The following USP37 variants were observed in gnomAD, a reference collection of about 807,000 sequenced individuals.
USP37 encodes ubiquitin specific peptidase 37.
Under a neutral mutation model 124.0 loss-of-function variants are expected in USP37, and 27 were observed. The ratio of observed to expected loss-of-function variants is 0.22; its 90% CI spans 0.16 to 0.30. USP37 has a LOEUF of 0.30. Among genes scored for constraint, USP37 ranks in the 10% least tolerant of loss-of-function variants. USP37 has a pLI of 1.00. For missense variants in USP37, 889 were observed against 1,140.4 expected (o/e 0.78, Z 3.17); for synonymous variants, 365 against 388.0 (o/e 0.94, Z 0.70).
chr2:218,480,089 T>G (rs571576987), intron 17 of USP37, among the ~76,000 whole-genome samples: 1 of 150,174 alleles, frequency 6.7e-6, no homozygotes, highest in African/African-American at 2.5e-5. Context: ...GAGGTTGTAG[T>G]AAGTGGTGAT....
intron 8 of USP37, among the ~76,000 whole-genome samples, chr2:218,536,250 T>G (rs921640335): frequency 1.3e-5 from 2 of 152,198 alleles, no homozygotes; most frequent in African/African-American, 4.8e-5. Context: ...TTCAAATAAA[T>G]GTTCATGCTT....
intron 4 of USP37, among the ~76,000 whole-genome samples, chr2:218,556,580 T>C (rs1692994847): frequency 6.8e-6 from 1 of 146,664 alleles, no homozygotes; most frequent in Admixed American, 6.9e-5. Flanking sequence ...ATGGTGAGAT[T>C]TCAGCTCACT....
At position 218,547,082 on chromosome 2, in the gene USP37, T is replaced by C. The variant is rs1559222887; in HGVS notation, c.439A>G (p.Lys147Glu). 4 of 1,594,458 alleles carry C rather than the reference T, an allele frequency of 2.5e-6. No individual in the cohort carries two copies. The highest frequency in any genetic ancestry group is 3.4e-6 in the Non-Finnish European group (4 of 1,175,406). Residue 147 changes from lysine (K) to glutamate (E), a missense_variant, in exon 7 of 26, where the codon AAA (lysine) becomes GAA (glutamate). Around this residue, in one of 3 missense-constraint regions of USP37, gnomAD observed 374 missense variants for 386.0 expected, o/e 0.97. Coordinates refer to ENST00000258399, the MANE Select transcript of USP37 (RefSeq NM_020935.3). Reference sequence around the variant, plus strand: ...TCTTTAGTTTCCAAACTTCCTCTTTTTGCAGAAGCCTGTAAAAATAAAGTT... The same window carrying C: ...TCTTTAGTTTCCAAACTTCCTCTTTCTGCAGAAGCCTGTAAAAATAAAGTT... ...LSYSDNQASA[K>E]RGSLETKDDI... is the part of the protein sequence containing the mutation.
intron 8 of USP37, among the ~76,000 whole-genome samples, chr2:218,537,731 C>T (rs950988909): frequency 2.6e-5 from 4 of 152,072 alleles, no homozygotes; most frequent in Admixed American, 6.5e-5. Context: ...AGAAGACAGG[C>T]TCAGTTGAGC....
Position 218,488,365 on chromosome 2 carries a change from G to C in USP37, c.1529C>G (p.Pro510Arg). 6.2e-7 allele frequency: 1 copy of C among 1,612,780 alleles called. No individual in the cohort carries two copies. Among genetic ancestry groups the C allele is most frequent in the Non-Finnish European group, 8.5e-7 (1 of 1,179,538 alleles). ...AGGAGGGAGTGGTTTTTTCCTACGA[G>C]GAAGGTCAATAGAGAGGTCATTAAA... Reference protein sequence around the residue: ...EQFNDLSIDLPRRKKPLPPRS... With the variant: ...EQFNDLSIDLRRRKKPLPPRS... Residue 510 changes from proline (P) to arginine (R), a missense_variant, in exon 15 of 26, where the codon CCT (proline) becomes CGT (arginine). By Grantham distance (103) the Pro-to-Arg change is moderately radical. Transcript: ENST00000258399.
chr2:218,498,065 C>A lies in USP37; in HGVS notation c.1118G>T (p.Gly373Val), dbSNP rs769098487. ...GAGTGGAATTTTCTTCCATGGGATA[C>A]CTTGTTTAAGCAAGTCATTTGCAAA... Reference protein sequence around the residue: ...QSFANDLLKQGIPWKKIPLNA... With the variant: ...QSFANDLLKQVIPWKKIPLNA... The change falls in exon 12 of 26, where the codon GGT becomes GTT. Residue 373 changes from glycine (G) to valine (V), a missense_variant. Transcript: ENST00000258399. The A allele has an allele frequency of 6.2e-7, 1 of 1,612,102 alleles. No homozygotes were observed. The highest frequency in any genetic ancestry group is 8.5e-7 in the Non-Finnish European group (1 of 1,179,430).
chr2:218,568,144 G>C (rs1398487493), intron 1 of USP37, 34 bp downstream of exon 1: 1 of 152,428 alleles, frequency 6.6e-6, no homozygotes, highest in Non-Finnish European at 1.5e-5. Flanking sequence ...TAGGGAAAAC[G>C]GCTCAATTGA....
chr2:218,565,920 G>A (rs1261157849), intron 1 of USP37, among the ~76,000 whole-genome samples: 3 of 152,178 alleles, frequency 2.0e-5, no homozygotes, highest in Non-Finnish European at 1.5e-5. Context: ...ATGGTGGCGG[G>A]TGCCTGTAAT....
At chr2:218,557,206 T>C (rs1693039522) in intron 4 of USP37, among the ~76,000 whole-genome samples, 1 of 152,202 alleles carries the variant, frequency 6.6e-6, no homozygotes, top group East Asian at 1.9e-4. Context: ...AACCTGTACA[T>C]GGTTTTAACA....
In USP37 at chr2:218,538,548, G is replaced by A. The variant is rs1691786882; in HGVS notation, c.681-3842C>T. Among the ~76,000 whole-genome samples, 6 of 152,150 alleles carry A rather than the reference G, an allele frequency of 3.9e-5. No homozygotes were observed. The South Asian group carries it at 1.0e-3, about 26-fold the overall frequency. ...GCCAGCCTCTGTCCTTAGACATTCC[G>A]TTATTTCCACAAAGGGACCATGAAT... On this transcript the variant is annotated intron_variant, in intron 8 of 25. Coordinates refer to ENST00000258399, the MANE Select transcript of USP37 (RefSeq NM_020935.3).
intron 20 of USP37, among the ~76,000 whole-genome samples, chr2:218,472,081 CTCTT>C (rs1690726450): frequency 6.6e-6 from 1 of 151,904 alleles, no homozygotes; most frequent in Admixed American, 6.6e-5. Context: ...GCTAGATATC[CTCTT>C]TCTTTTGGTG....
intron 14 of USP37, among the ~76,000 whole-genome samples, chr2:218,491,386 C>G (rs576779660): frequency 6.6e-6 from 1 of 152,090 alleles, no homozygotes; most frequent in East Asian, 1.9e-4. Context: ...GTCCTATAAC[C>G]ATAGGATCTG....
chr2:218,528,968 C>A (rs1313572881), intron 10 of USP37, among the ~76,000 whole-genome samples: 2 of 151,996 alleles, frequency 1.3e-5, no homozygotes, highest in Non-Finnish European at 2.9e-5. Flanking sequence ...TAAAATGTAG[C>A]TTAACAAATA....
At chr2:218,476,466 T>C (rs937154400) in intron 19 of USP37, among the ~76,000 whole-genome samples, 2 of 152,144 alleles carry the variant, frequency 1.3e-5, no homozygotes, top group African/African-American at 2.4e-5. Flanking sequence ...TCCCAGCTAC[T>C]TGGGGAGCTG....
chr2:218,455,963 T>C (rs1689677835), intron 24 of USP37, among the ~76,000 whole-genome samples: 1 of 152,094 alleles, frequency 6.6e-6, no homozygotes, highest in Non-Finnish European at 1.5e-5. Flanking sequence ...GGAGGATTGT[T>C]TGAACCCAGG....
At chr2:218,520,265 TTTG>T (rs1690532171) in intron 10 of USP37, among the ~76,000 whole-genome samples, 1 of 152,092 alleles carries the variant, frequency 6.6e-6, no homozygotes, top group African/African-American at 2.4e-5. Flanking sequence ...AATTTTTATA[TTTG>T]TTAATTTTTT....
intron 10 of USP37, among the ~76,000 whole-genome samples, chr2:218,517,773 G>A (rs1040506649): frequency 1.1e-4 from 16 of 152,154 alleles, no homozygotes; most frequent in African/African-American, 3.6e-4. Flanking sequence ...AAAATTCTCA[G>A]CCAATATCTT....
chr2:218,499,174 T>C (rs545927638), intron 11 of USP37, among the ~76,000 whole-genome samples: 1 of 152,214 alleles, frequency 6.6e-6, no homozygotes, highest in Non-Finnish European at 1.5e-5. Context: ...CTTGGGAGGC[T>C]GAAGCAAGAG....
At position 218,482,251 on chromosome 2, in the gene USP37, G is replaced by A; in HGVS notation, c.1671-17C>T. On this transcript the variant is annotated splice_polypyrimidine_tract_variant and intron_variant, in intron 16 of 25. Coordinates refer to ENST00000258399, the MANE Select transcript of USP37 (RefSeq NM_020935.3). ...ATGAGGACCCTGAAAAACAGGAGATGACAACCTTACTAATTCATACATAAT... is the reference window on the plus strand; with the variant it reads ...ATGAGGACCCTGAAAAACAGGAGATAACAACCTTACTAATTCATACATAAT... 2 of 1,603,570 alleles carry A rather than the reference G, an allele frequency of 1.2e-6. No homozygotes were observed.
Sources: gnomAD v4.1 joint callset for allele counts (sites outside exome capture counted in the v4.1 genomes callset) on GRCh38, gnomAD v4.1.1 for gene constraint, gnomAD v4.1.1 regional missense constraint, MANE v1.5 for transcripts, NCBI Gene and HGNC (gene_info 2026-07-23, HGNC 2026-07-21) for gene names.